DOCK7: variants seen among roughly 807,000 people sequenced by gnomAD.
The protein encoded by DOCK7 is dedicator of cytokinesis 7.
DOCK7 carries 138 observed loss-of-function variants against 271.0 expected under a neutral mutation model. The observed-to-expected ratio is 0.51, with a 90% confidence interval of 0.44 to 0.59. The LOEUF is 0.59. Among genes scored for constraint, DOCK7 ranks in the 20% least tolerant of loss-of-function variants. The pLI is 0.00. For synonymous variants in DOCK7, 823 were observed against 876.1 expected, an observed-to-expected ratio of 0.94 and a Z score of 1.07; for missense variants, 2,066 against 2,592.4, an observed-to-expected ratio of 0.80 and a Z score of 4.41.
intron 33 of DOCK7, 57 bp downstream of exon 33, chr1:62,513,387 G>A: frequency 6.7e-7 from 1 of 1,492,260 alleles, no homozygotes; most frequent in Non-Finnish European, 9.0e-7. Context: ...TGACATTGAA[G>A]ACTAGCAACA....
At chr1:62,682,109 C>G (rs969063595) in intron 1 of DOCK7, among the ~76,000 whole-genome samples, 1 of 150,676 alleles carries the variant, frequency 6.6e-6, no homozygotes, top group Middle Eastern at 3.6e-3. Context: ...TGTGGAGGTA[C>G]AGTGAAAACA....
rs188602605 is a variant in DOCK7, at chr1:62,502,170, T to C, written c.4764+2460A>G. 1.5e-3 allele frequency among the ~76,000 whole-genome samples: 221 copies of C among 152,176 alleles called. 1 individual carries two copies. The highest frequency in any genetic ancestry group is 2.5e-3 in the Non-Finnish European group (167 of 67,990). The stretch of plus-strand genomic sequence containing the variant: ...TTTCAGCAAATGACATGATTAAAAA[T>C]GGGTTGAATAACTTTTGTAGAATGA... On this transcript the variant is annotated intron_variant, in intron 37 of 49. Transcript: ENST00000635253.
intron 37 of DOCK7, among the ~76,000 whole-genome samples, chr1:62,501,646 T>C (rs1019062524): frequency 6.6e-6 from 1 of 152,126 alleles, no homozygotes; most frequent in African/African-American, 2.4e-5. Flanking sequence ...GTCCCCCTAA[T>C]AAATCTTTTT....
Position 62,455,289 on chromosome 1 carries a change from C to T in DOCK7, c.*125G>A. ...CAATCTACATTTGATATTTTCTTGG[C>T]CACTGCATTCTTCAATGAATAATAA... On this transcript the variant is annotated 3_prime_UTR_variant, in exon 50 of 50. Transcript: ENST00000635253. 2 of 979,848 alleles carry T rather than the reference C, an allele frequency of 2.0e-6. No homozygotes were observed. Among genetic ancestry groups the T allele is most frequent in the Non-Finnish European group, 3.2e-6 (2 of 629,476 alleles). The allele number at this position is 979,848 out of a possible 1,614,324, so 60.7% of individuals were successfully genotyped here.
Position 62,589,078 on chromosome 1 carries a change from G to GT in DOCK7, c.1683-2455dup, listed in dbSNP as rs1347352338. ...ATTAATTAATTAAGGTTGCCAAACG[G>GT]TAATATCCTGTCATTTCTTTTTAAT... On this transcript the variant is annotated intron_variant, in intron 14 of 49. Transcript: ENST00000635253. Among the ~76,000 whole-genome samples the GT allele has an allele frequency of 2.0e-5, 3 of 152,286 alleles. No homozygotes were observed. In the East Asian group the frequency reaches 5.8e-4, roughly 29 times the overall value.
At chr1:62,664,587 C>T (rs1394912276) in intron 1 of DOCK7, among the ~76,000 whole-genome samples, 1 of 152,044 alleles carries the variant, frequency 6.6e-6, no homozygotes, top group East Asian at 1.9e-4. Flanking sequence ...CGGGATGTTT[C>T]GGACAATGAA....
chr1:62,527,556 C>A (rs919362603), intron 31 of DOCK7, among the ~76,000 whole-genome samples: 1 of 152,050 alleles, frequency 6.6e-6, no homozygotes, highest in Admixed American at 6.6e-5. Context: ...GAGTTCATGT[C>A]CTTTGTAGGG....
At chr1:62,496,317 T>C in intron 38 of DOCK7, 22 bp downstream of exon 38, 1 of 1,608,788 alleles carries the variant, frequency 6.2e-7, no homozygotes. Context: ...CAATTAATGA[T>C]CTAGAAAGCA....
intron 29 of DOCK7, among the ~76,000 whole-genome samples, chr1:62,532,235 A>G (rs1309265387): frequency 6.6e-6 from 1 of 152,052 alleles, no homozygotes; most frequent in Non-Finnish European, 1.5e-5. Context: ...GGGTTTTACT[A>G]TGTTGGCCAG....
intron 1 of DOCK7, among the ~76,000 whole-genome samples, chr1:62,683,656 T>C (rs1158358181): frequency 1.3e-5 from 2 of 151,866 alleles, no homozygotes; most frequent in East Asian, 3.9e-4. Context: ...ATAAAAAGAG[T>C]AGGCCAGGTA....
chr1:62,580,674 G>T (rs879816757), intron 16 of DOCK7, among the ~76,000 whole-genome samples: 1 of 151,726 alleles, frequency 6.6e-6, no homozygotes, highest in East Asian at 1.9e-4. Flanking sequence ...TAAAGATGAA[G>T]ATTAAAAAAA....
In DOCK7 at chr1:62,529,513, A is replaced by T. The variant is rs1025624609; in HGVS notation, c.3612-67T>A. 4.7e-6 allele frequency: 6 copies of T among 1,268,284 alleles called. No individual in the cohort carries two copies. The African/African-American group carries it at 9.0e-5, about 19-fold the overall frequency. The allele number at this position is 1,268,284 out of a possible 1,614,324, so 78.6% of individuals were successfully genotyped here. A position where few individuals can be genotyped will look rare whatever the true frequency, so the allele number is the denominator to read the frequency against. ...CCACAGAGATTAGCTAACATCTTTA[A>T]AACAAACAGTAAGTCATGGTATTGA... On this transcript the variant is annotated intron_variant, in intron 29 of 49. Coordinates refer to ENST00000635253, the MANE Select transcript of DOCK7 (RefSeq NM_001367561.1).
At chr1:62,481,640 ACTC>A (rs1646130323) in intron 43 of DOCK7, 1 of 151,456 alleles carries the variant, frequency 6.6e-6, no homozygotes, top group South Asian at 2.1e-4. Context: ...ACTTTCTATC[ACTC>A]CTCACAATAC....
chr1:62,483,539 C>T (rs1490439551), intron 43 of DOCK7: 1 of 151,094 alleles, frequency 6.6e-6, no homozygotes, highest in Non-Finnish European at 1.5e-5. Flanking sequence ...CTTTACCTTT[C>T]TGAGGTAAAG....
At chr1:62,509,593 G>C (rs1264629523) in intron 34 of DOCK7, among the ~76,000 whole-genome samples, 1 of 152,048 alleles carries the variant, frequency 6.6e-6, no homozygotes, top group Non-Finnish European at 1.5e-5. Context: ...AAAACCATCA[G>C]AGAAATAGAT....
intron 48 of DOCK7, among the ~76,000 whole-genome samples, chr1:62,470,826 C>T (rs1645809842): frequency 6.6e-6 from 1 of 151,884 alleles, no homozygotes; most frequent in Non-Finnish European, 1.5e-5. Flanking sequence ...CTCATGTAAC[C>T]AAATACCACC....
At chr1:62,490,124 G>A (rs1221577515) in intron 41 of DOCK7, among the ~76,000 whole-genome samples, 1 of 147,344 alleles carries the variant, frequency 6.8e-6, no homozygotes, top group East Asian at 2.0e-4. Context: ...AGGTTGGAGT[G>A]CAGTGGTGTG....
intron 1 of DOCK7, among the ~76,000 whole-genome samples, chr1:62,685,344 A>G (rs756422555): frequency 1.3e-5 from 2 of 152,216 alleles, no homozygotes; most frequent in Non-Finnish European, 2.9e-5. Context: ...ACTTCCTCTA[A>G]TAGAAAAGTT....
intron 30 of DOCK7, 24 bp downstream of exon 30, chr1:62,529,240 CTTTGCCTTTAATA>C (rs1188215934): frequency 6.6e-7 from 1 of 1,518,640 alleles, no homozygotes; most frequent in Non-Finnish European, 8.8e-7. Context: ...AAACATTGAG[CTTTGCCTTTAATA>C]TTTGCCTTAA....
Sources: gnomAD v4.1 joint callset for allele counts (sites outside exome capture counted in the v4.1 genomes callset) on GRCh38, gnomAD v4.1.1 for gene constraint, MANE v1.5 for transcripts, NCBI Gene and HGNC (gene_info 2026-07-23, HGNC 2026-07-21) for gene names.